The following ANO3 variants were observed in gnomAD, a reference collection of about 807,000 sequenced individuals.
ANO3 encodes the protein anoctamin-3.
In ANO3, 99 loss-of-function variants were observed where a neutral mutation model predicts 144.8. The ratio of observed to expected loss-of-function variants is 0.68; its 90% CI spans 0.58 to 0.81. The LOEUF is 0.81. Ranked by LOEUF, ANO3 falls within the 30% of genes least tolerant of loss-of-function variation. The probability of loss-of-function intolerance (pLI) is 0.00; values close to 1 mark genes in which losing one functional copy is unlikely to be tolerated. For synonymous variants in ANO3, 414 were observed against 392.6 expected (o/e 1.05, Z -0.64); for missense variants, 905 against 1,202.2 (o/e 0.75, Z 3.66).
At chr11:26,451,367 G>A (rs1015278532) in intron 3 of ANO3, among the ~76,000 whole-genome samples, 2 of 152,156 alleles carry the variant, frequency 1.3e-5, no homozygotes, top group Admixed American at 6.5e-5. Flanking sequence ...CTGGAAAATC[G>A]GGTCACTCCC....
At chr11:26,405,125 T>G (rs921509527) in intron 1 of ANO3, among the ~76,000 whole-genome samples, 1 of 151,740 alleles carries the variant, frequency 6.6e-6, no homozygotes, top group African/African-American at 2.4e-5. Context: ...CTCTTCACAC[T>G]CTATGGGATT....
chr11:26,328,531 G>A (rs550192320), upstream of ANO3, among the ~76,000 whole-genome samples: 15 of 152,268 alleles, frequency 9.9e-5, no homozygotes, highest in South Asian at 3.1e-3. Flanking sequence ...ACTCACAACT[G>A]GCTGAGCTGA....
chr11:26,289,546 CT>C (rs1853890454), intron 1 of ANO3, among the ~76,000 whole-genome samples: 1 of 130,898 alleles, frequency 7.6e-6, no homozygotes, highest in African/African-American at 3.0e-5. Context: ...TATATATATT[CT>C]ATATGTGTGT....
At chr11:26,446,947 C>T (rs1052475033) in intron 3 of ANO3, among the ~76,000 whole-genome samples, 4 of 152,084 alleles carry the variant, frequency 2.6e-5, no homozygotes, top group African/African-American at 9.7e-5. Flanking sequence ...TGGTGGCTCC[C>T]ACCTGTAATA....
intron 1 of ANO3, among the ~76,000 whole-genome samples, chr11:26,228,892 T>A (rs895911319): frequency 3.9e-5 from 6 of 152,148 alleles, no homozygotes; most frequent in African/African-American, 1.2e-4. Flanking sequence ...ATAGATAAAT[T>A]GTCAAACTTG....
chr11:26,260,245 A>G (rs1052014302), intron 1 of ANO3, among the ~76,000 whole-genome samples: 5 of 152,150 alleles, frequency 3.3e-5, no homozygotes, highest in African/African-American at 9.7e-5. Context: ...GACTGGGCAT[A>G]TAAGACTTCT....
intron 1 of ANO3, among the ~76,000 whole-genome samples, chr11:26,196,790 A>G (rs1564912801): frequency 1.3e-5 from 2 of 152,240 alleles, no homozygotes; most frequent in African/African-American, 4.8e-5. Flanking sequence ...TGGCAATTTT[A>G]TCACCAAAAA....
At chr11:26,603,726 G>A (rs1220262516) in intron 17 of ANO3, among the ~76,000 whole-genome samples, 1 of 151,952 alleles carries the variant, frequency 6.6e-6, no homozygotes, top group Non-Finnish European at 1.5e-5. Flanking sequence ...AACAATATTG[G>A]TCCCTCAATA....
intron 1 of ANO3, among the ~76,000 whole-genome samples, chr11:26,209,096 T>C (rs1851877602): frequency 6.6e-6 from 1 of 152,202 alleles, no homozygotes; most frequent in Non-Finnish European, 1.5e-5. Context: ...GCTGCACTCA[T>C]CAACCCATCA....
chr11:26,383,338 A>G (rs1417736974), intron 1 of ANO3, among the ~76,000 whole-genome samples: 1 of 152,112 alleles, frequency 6.6e-6, no homozygotes, highest in African/African-American at 2.4e-5. Context: ...ATTCCCAAAG[A>G]CCACTCTGAG....
At chr11:26,593,320 G>A (rs910933368) in intron 14 of ANO3, among the ~76,000 whole-genome samples, 4 of 152,068 alleles carry the variant, frequency 2.6e-5, no homozygotes, top group African/African-American at 7.2e-5. Context: ...AAAGGAGTGG[G>A]GCTTTCAGGC....
chr11:26,637,800 T>G (rs538434556), intron 20 of ANO3, among the ~76,000 whole-genome samples: 4 of 152,154 alleles, frequency 2.6e-5, no homozygotes, highest in Non-Finnish European at 4.4e-5. Context: ...TCTTTGAAGT[T>G]CCACTAGTAC....
At chr11:26,462,163 C>A (rs10742141) in intron 3 of ANO3, among the ~76,000 whole-genome samples, 79,669 of 151,718 alleles carry the variant, frequency 0.53, 22,119 homozygotes, top group East Asian at 0.68. Flanking sequence ...TGACTGAAAT[C>A]TTGAAAGCAC....
chr11:26,311,448 G>A (rs1436360454), intron 1 of ANO3, among the ~76,000 whole-genome samples: 2 of 152,208 alleles, frequency 1.3e-5, no homozygotes, highest in African/African-American at 4.8e-5. Flanking sequence ...TGAAACTAGT[G>A]AAATATAAAA....
Position 26,508,090 on chromosome 11 carries a change from T to G in ANO3, c.433-14T>G, listed in dbSNP as rs1861507178. The G allele has an allele frequency of 1.3e-6, 2 of 1,569,082 alleles. No individual in the cohort carries two copies. Among genetic ancestry groups the G allele is most frequent in the Non-Finnish European group, 1.7e-6 (2 of 1,165,468 alleles). On this transcript the variant is annotated splice_polypyrimidine_tract_variant and intron_variant, in intron 4 of 26. Transcript: ENST00000256737. Reference sequence around the variant, plus strand: ...TCTAACCCACACCATTAACAATCATTGCTTTATTTGCAGAATGACATGAAT... The same window carrying G: ...TCTAACCCACACCATTAACAATCATGGCTTTATTTGCAGAATGACATGAAT...
intron 1 of ANO3, among the ~76,000 whole-genome samples, chr11:26,191,686 T>C (rs990983120): frequency 2.0e-5 from 3 of 152,226 alleles, no homozygotes; most frequent in African/African-American, 7.2e-5. Context: ...TTACACTCTT[T>C]AATCACTGAT....
chr11:26,434,322 CTTCT>C (rs1375238340), intron 1 of ANO3, among the ~76,000 whole-genome samples: 4 of 151,816 alleles, frequency 2.6e-5, no homozygotes, highest in African/African-American at 4.8e-5. Flanking sequence ...TCTCTCTTTT[CTTCT>C]TTATTAGTCT....
chr11:26,489,970 G>T lies in ANO3; in HGVS notation c.433-18134G>T, dbSNP rs1254147670. ...GCTGAAATGAGTTAAGACTTTGGGG[G>T]ACTGAGGGGAAGGCATGATTGGTTT... is the stretch of plus-strand genomic sequence containing the variant. On this transcript the variant is annotated intron_variant, in intron 4 of 26. Coordinates refer to ENST00000256737, the MANE Select transcript of ANO3 (RefSeq NM_031418.4). 2.0e-5 allele frequency among the ~76,000 whole-genome samples: 3 copies of T among 152,288 alleles called. No individual in the cohort carries two copies. In the East Asian group the frequency reaches 5.8e-4, roughly 29 times the overall value.
At chr11:26,215,549 C>T (rs966007845) in intron 1 of ANO3, among the ~76,000 whole-genome samples, 10 of 151,744 alleles carry the variant, frequency 6.6e-5, no homozygotes, top group Non-Finnish European at 1.0e-4. Context: ...CCACAATGAA[C>T]AATTTTTCTA....
Sources: allele counts gnomAD v4.1 joint callset (sites outside exome capture counted in the v4.1 genomes callset), GRCh38; gene constraint gnomAD v4.1.1; transcripts MANE v1.5; gene names NCBI Gene and HGNC (gene_info 2026-07-23, HGNC 2026-07-21).